KANSL1L: variants seen among roughly 807,000 people sequenced by gnomAD.
The protein encoded by KANSL1L is KAT8 regulatory NSL complex subunit 1 like.
Under a neutral mutation model 108.6 loss-of-function variants are expected in KANSL1L, and 25 were observed. The ratio of observed to expected loss-of-function variants is 0.23; its 90% CI spans 0.17 to 0.32. The LOEUF is 0.32. Ranked by LOEUF, KANSL1L falls within the 10% of genes least tolerant of loss-of-function variation. The pLI, the probability that KANSL1L is intolerant of heterozygous loss-of-function variation, is 1.00. For missense variants in KANSL1L, 1,137 were observed against 1,125.7 expected (o/e 1.01, Z -0.14); for synonymous variants, 405 against 395.1 (o/e 1.03, Z -0.30).
At chr2:210,078,909 G>A (rs2094560705) in intron 5 of KANSL1L, among the ~76,000 whole-genome samples, 2 of 152,132 alleles carry the variant, frequency 1.3e-5, no homozygotes, top group African/African-American at 2.4e-5. Flanking sequence ...ATCATCACAC[G>A]ACATTCTTTT....
At chr2:210,118,955 G>A (rs2094985968) in intron 3 of KANSL1L, among the ~76,000 whole-genome samples, 1 of 151,996 alleles carries the variant, frequency 6.6e-6, no homozygotes, top group Non-Finnish European at 1.5e-5. Flanking sequence ...AGATCACGAG[G>A]TCAAGAGATT....
At chr2:210,050,854 C>T (rs757359628) in intron 6 of KANSL1L, among the ~76,000 whole-genome samples, 2 of 152,068 alleles carry the variant, frequency 1.3e-5, no homozygotes, top group Non-Finnish European at 2.9e-5. Flanking sequence ...AGTGATCCTC[C>T]CACCTCAGCC....
rs747267953 is a variant in KANSL1L, at chr2:210,104,316, A to G, written c.1231-15T>C. On this transcript the variant is annotated splice_polypyrimidine_tract_variant and intron_variant, in intron 3 of 14. Coordinates refer to ENST00000281772, the MANE Select transcript of KANSL1L (RefSeq NM_152519.4). ...ACCACTATCCCCTAGACAAAAAACA[A>G]TGAGAAAGTTGAAATGAAAACAAAC... 3 of 1,598,140 alleles carry G rather than the reference A, an allele frequency of 1.9e-6. No homozygotes were observed. In the African/African-American group the frequency reaches 4.0e-5, roughly 21 times the overall value.
intron 10 of KANSL1L, 40 bp from the exon 11 acceptor site, chr2:210,029,009 G>C (rs1559497421): frequency 6.5e-7 from 1 of 1,531,494 alleles, no homozygotes; most frequent in Non-Finnish European, 8.8e-7. Flanking sequence ...GTACTGTCTA[G>C]TTACTTGTAA....
chr2:210,026,609 G>T (rs894483030), intron 12 of KANSL1L, among the ~76,000 whole-genome samples: 1 of 152,048 alleles, frequency 6.6e-6, no homozygotes, highest in Non-Finnish European at 1.5e-5. Context: ...TTTCTAAACC[G>T]AAGAGCAAAT....
At chr2:210,091,479 C>T (rs1484615842) in intron 5 of KANSL1L, among the ~76,000 whole-genome samples, 1 of 152,134 alleles carries the variant, frequency 6.6e-6, no homozygotes, top group African/African-American at 2.4e-5. Context: ...ACTCCCCTTA[C>T]TCTTCCACTT....
At chr2:210,056,952 TTTC>T (rs963582244) in intron 6 of KANSL1L, among the ~76,000 whole-genome samples, 3 of 152,218 alleles carry the variant, frequency 2.0e-5, no homozygotes, top group African/African-American at 7.2e-5. Context: ...TGGTCACAAA[TTTC>T]TTCAATCCCT....
At chr2:210,138,350 G>C (rs971458699) in intron 2 of KANSL1L, among the ~76,000 whole-genome samples, 1 of 151,952 alleles carries the variant, frequency 6.6e-6, no homozygotes, top group African/African-American at 2.4e-5. Flanking sequence ...GGGTTGAAAA[G>C]CTAACTATTG....
intron 5 of KANSL1L, among the ~76,000 whole-genome samples, chr2:210,079,644 A>ATATATATGTATGTG (rs1553653225): frequency 0.011 from 102 of 8,960 alleles, 6 homozygotes; most frequent in East Asian, 0.028. Flanking sequence ...ATATATATAT[A>ATATATATGTATGTG]TATATATATA....
At chr2:210,029,118 A>C (rs999378669) in intron 10 of KANSL1L, 149 bp from the exon 11 acceptor site, 2 of 605,608 alleles carry the variant, frequency 3.3e-6, no homozygotes, top group East Asian at 6.6e-5. Flanking sequence ...ATGTTAAGAA[A>C]ACCAAAAAAT....
At chr2:210,118,034 C>T (rs552605279) in intron 3 of KANSL1L, among the ~76,000 whole-genome samples, 26 of 150,776 alleles carry the variant, frequency 1.7e-4, no homozygotes, top group African/African-American at 5.6e-4. Flanking sequence ...GGTGTGATGG[C>T]GCATGCCTGT....
chr2:210,109,818 T>TAATATA (rs1044201857), intron 3 of KANSL1L, among the ~76,000 whole-genome samples: 5 of 152,014 alleles, frequency 3.3e-5, no homozygotes, highest in East Asian at 3.9e-4. Flanking sequence ...TTTATATTGG[T>TAATATA]AATATAAATA....
intron 5 of KANSL1L, among the ~76,000 whole-genome samples, chr2:210,097,624 A>T (rs945262095): frequency 2.6e-5 from 4 of 152,174 alleles, no homozygotes; most frequent in Non-Finnish European, 4.4e-5. Context: ...AGTAAAAAAA[A>T]TTTACCTTAT....
rs192057303 is a variant in KANSL1L at position 210,097,212 on chromosome 2, G to C, written c.1550+874C>G. ...TGCCCACCTCAGCTTTTTATTTTAA[G>C]ACTTTGTTTACATCCACTAATTTCA... On this transcript the variant is annotated intron_variant, in intron 5 of 14. Transcript: ENST00000281772. 4.6e-4 allele frequency: 437 copies of C among 957,816 alleles called. 3 individuals carry two copies. In the African/African-American group the frequency reaches 6.9e-3, roughly 15 times the overall value. 59.3% of individuals were successfully genotyped at this position (957,816 alleles called of 1,614,324 possible).
chr2:210,053,620 A>G (rs1269789900), intron 6 of KANSL1L, among the ~76,000 whole-genome samples: 3 of 152,172 alleles, frequency 2.0e-5, no homozygotes, highest in Non-Finnish European at 4.4e-5. Context: ...GAAAAAAAAT[A>G]CAAGATAATT....
intron 5 of KANSL1L, among the ~76,000 whole-genome samples, chr2:210,090,133 T>C (rs1180409345): frequency 2.6e-5 from 4 of 152,346 alleles, no homozygotes; most frequent in Admixed American, 1.3e-4. Context: ...TGTCCTCACA[T>C]TACAATATCA....
At position 210,091,688 on chromosome 2, in the gene KANSL1L, C is replaced by G. The variant is rs868372494; in HGVS notation, c.1550+6398G>C. 2.0e-5 allele frequency among the ~76,000 whole-genome samples: 3 copies of G among 152,274 alleles called. No individual in the cohort carries two copies. The South Asian group carries it at 6.2e-4, about 32-fold the overall frequency. ...CCTCCTTCTGACCTCTATGTTATTG[C>G]TGTTATAGACTTTTTTTAGCCCCAC... On this transcript the variant is annotated intron_variant, in intron 5 of 14. Coordinates refer to ENST00000281772, the MANE Select transcript of KANSL1L (RefSeq NM_152519.4).
chr2:210,064,354 A>G (rs2125287421), intron 6 of KANSL1L: 1 of 152,358 alleles, frequency 6.6e-6, no homozygotes, highest in African/African-American at 2.4e-5. Context: ...ATTATTTGAC[A>G]TTATCATTAG....
intron 6 of KANSL1L, among the ~76,000 whole-genome samples, chr2:210,068,944 C>G (rs2094486976): frequency 6.6e-6 from 1 of 152,014 alleles, no homozygotes; most frequent in Non-Finnish European, 1.5e-5. Context: ...CTGGGTAATC[C>G]CCAGAGCAAG....
Sources: gnomAD v4.1 joint callset for allele counts (sites outside exome capture counted in the v4.1 genomes callset) on GRCh38, gnomAD v4.1.1 for gene constraint, MANE v1.5 for transcripts, NCBI Gene and HGNC (gene_info 2026-07-23, HGNC 2026-07-21) for gene names.